UBIAD1: variants seen among roughly 807,000 people sequenced by gnomAD.
UBIAD1 encodes UbiA prenyltransferase domain containing 1.
A neutral mutation model predicts 20.1 loss-of-function variants in UBIAD1; 12 were observed. The observed-to-expected ratio is 0.60, with a 90% CI of 0.38 to 0.97. The LOEUF is 0.97. UBIAD1 is among the 50% of genes least tolerant of loss of function. UBIAD1 has a pLI of 0.00. For missense variants in UBIAD1, 333 were observed against 419.5 expected (o/e 0.79, Z 1.80); for synonymous variants, 207 against 189.2 (o/e 1.09, Z -0.77).
chr1:11,298,998 A>T (rs1455532976), downstream of UBIAD1, among the ~76,000 whole-genome samples: 2 of 152,218 alleles, frequency 1.3e-5, no homozygotes, highest in Non-Finnish European at 2.9e-5. The surrounding 1 kb of genome is among the most constrained non-coding windows in gnomAD (Gnocchi z 4.0). Flanking sequence ...GTGAGGAGCG[A>T]AGATAACCAA....
chr1:11,283,782 A>C (rs1487978302), intron 1 of UBIAD1, among the ~76,000 whole-genome samples: 1 of 151,992 alleles, frequency 6.6e-6, no homozygotes, highest in Non-Finnish European at 1.5e-5. Flanking sequence ...GTCATTTTAG[A>C]CTGGTTAAAA....
intron 1 of UBIAD1, among the ~76,000 whole-genome samples, chr1:11,275,279 G>GA (rs1651976423): frequency 1.3e-5 from 2 of 152,218 alleles, no homozygotes; most frequent in Non-Finnish European, 2.9e-5. Flanking sequence ...AGTCGGATGT[G>GA]CGACTTCTGG....
At chr1:11,289,092 A>T (rs1484282086), downstream of UBIAD1, among the ~76,000 whole-genome samples, 1 of 152,246 alleles carries the variant, frequency 6.6e-6, no homozygotes, top group African/African-American at 2.4e-5. Context: ...TCAGCTAGGC[A>T]TTGGACAATA....
At chr1:11,296,356 C>CA (rs752144739), downstream of UBIAD1, among the ~76,000 whole-genome samples, 14 of 152,162 alleles carry the variant, frequency 9.2e-5, no homozygotes, top group Non-Finnish European at 1.3e-4. Context: ...GGGATACCCT[C>CA]AGACAAGCTA....
Position 11,286,009 on chromosome 1 carries a change from C to G in UBIAD1, c.895C>G (p.Gln299Glu). 2 of 1,614,228 alleles carry G rather than the reference C, an allele frequency of 1.2e-6. No individual in the cohort carries two copies. The highest frequency in any genetic ancestry group is 8.5e-7 in the Non-Finnish European group (1 of 1,180,034). Residue 299 changes from glutamine to glutamate, a missense_variant, in exon 2 of 2, where the codon CAG becomes GAG. By Grantham distance (29) the Gln-to-Glu change is conservative (BLOSUM62 2). This residue lies in a region of UBIAD1 where 226 missense variants were observed against 263.5 expected (regional missense o/e 0.86). Transcript: ENST00000376810. ...TCCCATGGCCTTCTCCCTTGAGAGA[C>G]AGTTTCGAAGCCAGGCCTTCAACAA... ...TIPMAFSLER[Q>E]FRSQAFNKLP...
intron 1 of UBIAD1, among the ~76,000 whole-genome samples, chr1:11,283,394 G>A (rs1229633191): frequency 6.6e-6 from 1 of 152,132 alleles, no homozygotes; most frequent in Non-Finnish European, 1.5e-5. Context: ...CCTTAAATGT[G>A]TGAGATATTG....
At position 11,284,490 on chromosome 1, in the gene UBIAD1, A is replaced by T. The variant is rs548411480; in HGVS notation, c.530-1154A>T. 6.6e-5 allele frequency among the ~76,000 whole-genome samples: 10 copies of T among 152,048 alleles called. No individual in the cohort carries two copies. In the South Asian group the frequency reaches 2.1e-3, roughly 32 times the overall value. ...TTATTTACTAATTTTTTTGAGACAG[A>T]GTCTTGCTCTGTCTGCCAGGCTGGA... On this transcript the variant is annotated intron_variant, in intron 1 of 1. Transcript: ENST00000376810.
chr1:11,293,009 GC>G (rs556742186), downstream of UBIAD1, among the ~76,000 whole-genome samples: 10 of 152,180 alleles, frequency 6.6e-5, no homozygotes, highest in Non-Finnish European at 1.5e-4. Context: ...TGAGGAGGGG[GC>G]AAAGGCTGAG....
chr1:11,299,188 G>T (rs1638493605), downstream of UBIAD1, among the ~76,000 whole-genome samples: 1 of 152,188 alleles, frequency 6.6e-6, no homozygotes, highest in Non-Finnish European at 1.5e-5. Flanking sequence ...TTCTCTCAGT[G>T]GCGGGCATGA....
At chr1:11,293,785 C>A (rs1287786794) in intron 1 of UBIAD1, among the ~76,000 whole-genome samples, 1 of 152,232 alleles carries the variant, frequency 6.6e-6, no homozygotes, top group Admixed American at 6.5e-5. Context: ...AAGCGATTCT[C>A]CTGCCTCAGC....
downstream of UBIAD1, among the ~76,000 whole-genome samples, chr1:11,299,483 A>T (rs1036492012): frequency 6.6e-6 from 1 of 152,024 alleles, no homozygotes; most frequent in African/African-American, 2.4e-5. Context: ...CATTTTCAAC[A>T]CTTCTTTCTT....
intron 1 of UBIAD1, among the ~76,000 whole-genome samples, chr1:11,279,516 C>A (rs960602650): frequency 1.3e-5 from 2 of 152,092 alleles, no homozygotes; most frequent in Non-Finnish European, 2.9e-5. Context: ...CTCTGCCTCC[C>A]GGGTTCAAGT....
chr1:11,294,465 C>T (rs556174699), intron 1 of UBIAD1, among the ~76,000 whole-genome samples: 1 of 152,318 alleles, frequency 6.6e-6, no homozygotes, highest in East Asian at 1.9e-4. Context: ...AACTGCCCCT[C>T]ATCTCTCTTG....
In UBIAD1 at chr1:11,273,216, A is replaced by G. The variant is rs985242789; in HGVS notation, c.-316A>G. 1.2e-5 allele frequency: 4 copies of G among 326,086 alleles called. No individual in the cohort carries two copies. The highest frequency in any genetic ancestry group is 2.8e-5 in the South Asian group (1 of 35,616). The allele number at this position is 326,086 out of a possible 1,614,324, so 20.2% of individuals were successfully genotyped here. On this transcript the variant is annotated 5_prime_UTR_variant, in exon 1 of 2. Transcript: ENST00000376810. The surrounding 1 kb of genome is among the most constrained non-coding windows in gnomAD (Gnocchi z 4.9). ...GGCACCTGTTTCCGGGCGGGCCTCC[A>G]GAGGCCGGCGCACAAGATGGCGGCT...
At chr1:11,292,845 G>A (rs1638389436), downstream of UBIAD1, among the ~76,000 whole-genome samples, 1 of 152,088 alleles carries the variant, frequency 6.6e-6, no homozygotes, top group Non-Finnish European at 1.5e-5. Context: ...GTGCAGGCTG[G>A]TGTAAAAGGA....
chr1:11,288,743 A>G (rs1638313421), downstream of UBIAD1, among the ~76,000 whole-genome samples: 1 of 152,160 alleles, frequency 6.6e-6, no homozygotes, highest in African/African-American at 2.4e-5. Flanking sequence ...CCCCATCTCT[A>G]CAAAAAAAAT....
rs1421728287 is a variant in UBIAD1, at chr1:11,286,904, A to C, written c.*773A>C. On this transcript the variant is annotated 3_prime_UTR_variant, in exon 2 of 2. Coordinates refer to ENST00000376810, the MANE Select transcript of UBIAD1 (RefSeq NM_013319.3). Reference sequence around the variant, plus strand: ...CCTTTGTTGAATCTACTAGAGTGACAGGAAGGACTCCCAGCCCTTTCAGTA... The same window carrying C: ...CCTTTGTTGAATCTACTAGAGTGACCGGAAGGACTCCCAGCCCTTTCAGTA... The C allele has an allele frequency of 6.6e-6, 1 of 152,466 alleles. No homozygotes were observed. Among genetic ancestry groups the C allele is most frequent in the Non-Finnish European group, 1.5e-5 (1 of 68,268 alleles). The allele number at this position is 152,466 out of a possible 1,614,324, so 9.4% of individuals were successfully genotyped here.
chr1:11,273,985 C>A lies in UBIAD1; in HGVS notation c.454C>A (p.Leu152Met). ...CGTCTGTGCCGCTTGCCTCTACTAC[C>A]TGTCCCCTCTGAAACTGGAGCACTT... ...GCVCAACLYY[L>M]SPLKLEHLAL... Residue 152 changes from leucine to methionine, a missense_variant, in exon 1 of 2, where the codon CTG (leucine) becomes ATG (methionine). Around this residue, in one of 3 missense-constraint regions of UBIAD1, gnomAD observed 226 missense variants for 263.5 expected, o/e 0.86. Coordinates refer to ENST00000376810, the MANE Select transcript of UBIAD1 (RefSeq NM_013319.3). The surrounding 1 kb of genome is among the most constrained non-coding windows in gnomAD (Gnocchi z 4.9). 6.2e-7 allele frequency: 1 copy of A among 1,614,234 alleles called. No individual in the cohort carries two copies. The highest frequency in any genetic ancestry group is 1.1e-5 in the South Asian group (1 of 91,082).
In UBIAD1 at chr1:11,273,454, G is replaced by A; in HGVS notation, c.-78G>A. 1 of 1,579,916 alleles carries A rather than the reference G, an allele frequency of 6.3e-7. No individual in the cohort carries two copies. The highest frequency in any genetic ancestry group is 8.6e-7 in the Non-Finnish European group (1 of 1,159,318). On this transcript the variant is annotated 5_prime_UTR_variant, in exon 1 of 2. Transcript: ENST00000376810. The surrounding 1 kb of genome is among the most constrained non-coding windows in gnomAD (Gnocchi z 4.9). Reference sequence around the variant, plus strand: ...AAGGAAGGTCGGGCCCTGCTGCCCCGCCCCGTCCTTCCTCCTTCCCGGGCG... The same window carrying A: ...AAGGAAGGTCGGGCCCTGCTGCCCCACCCCGTCCTTCCTCCTTCCCGGGCG...
Sources: allele counts gnomAD v4.1 joint callset (sites outside exome capture counted in the v4.1 genomes callset), GRCh38; gene constraint gnomAD v4.1.1; regional missense constraint gnomAD v4.1.1; non-coding constraint Gnocchi (gnomAD v3.1); transcripts MANE v1.5; gene names NCBI Gene and HGNC (gene_info 2026-07-23, HGNC 2026-07-21).